Variants in TMX1 observed in about 807,000 individuals in gnomAD.
TMX1 encodes the protein thioredoxin related transmembrane protein 1, also known as thioredoxin-related transmembrane protein 1.
TMX1 carries 25 observed loss-of-function variants against 36.6 expected under a neutral mutation model. That is an observed-to-expected ratio of 0.68 (90% confidence interval 0.50 to 0.95). The LOEUF (loss-of-function observed/expected upper bound fraction) is 0.95, where lower values mean the gene tolerates loss of function less well. Ranked by LOEUF, TMX1 falls within the 40% of genes least tolerant of loss-of-function variation. The pLI, the probability that TMX1 is intolerant of heterozygous loss-of-function variation, is 0.00. For synonymous variants in TMX1, 133 were observed against 118.0 expected (o/e 1.13, Z -0.82); for missense variants, 347 against 339.6 (o/e 1.02, Z -0.17).
At position 51,255,510 on chromosome 14, in the gene TMX1, G is replaced by A. The variant is rs1173478377; in HGVS notation, c.*991G>A. On this transcript the variant is annotated 3_prime_UTR_variant, in exon 8 of 8. Coordinates refer to ENST00000457354, the MANE Select transcript of TMX1 (RefSeq NM_030755.5). The stretch of plus-strand genomic sequence containing the variant: ...TCAAAGAAGCTTAATATAAAAGTTT[G>A]CATTCTACTCAGGAAAAAGCATCTT... 2.0e-5 allele frequency: 3 copies of A among 151,138 alleles called. No homozygotes were observed. The highest frequency in any genetic ancestry group is 3.9e-4 in the East Asian group (2 of 5,164). 9.4% of individuals were successfully genotyped at this position (151,138 alleles called of 1,614,324 possible).
intron 7 of TMX1, among the ~76,000 whole-genome samples, chr14:51,251,148 T>C (rs1262658861): frequency 6.6e-6 from 1 of 152,250 alleles, no homozygotes. Context: ...TAAAAGTAGC[T>C]ATACCGATGG....
chr14:51,246,108 CT>C (rs1339618531), intron 3 of TMX1, among the ~76,000 whole-genome samples: 1 of 152,030 alleles, frequency 6.6e-6, no homozygotes, highest in African/African-American at 2.4e-5. Flanking sequence ...AAATTCACCC[CT>C]ACTCCCTTTA....
intron 2 of TMX1, 112 bp from the exon 3 acceptor site, chr14:51,245,201 G>A: frequency 1.6e-6 from 2 of 1,248,410 alleles, no homozygotes; most frequent in Non-Finnish European, 2.3e-6. Flanking sequence ...TCAACTATTA[G>A]GTATAATTTC....
rs761440121 is a variant in TMX1 at position 51,254,321 on chromosome 14, T to A, written c.665-20T>A. On this transcript the variant is annotated intron_variant, in intron 7 of 7. Coordinates refer to ENST00000457354, the MANE Select transcript of TMX1 (RefSeq NM_030755.5). ...ATCTAATACATCAACAAAAATACATTTTTGGTCTTTGTCTTTAAGAAAAAT... is the reference window on the plus strand; with the variant it reads ...ATCTAATACATCAACAAAAATACATATTTGGTCTTTGTCTTTAAGAAAAAT... The A allele has an allele frequency of 6.4e-7, 1 of 1,572,518 alleles. No individual in the cohort carries two copies. The highest frequency in any genetic ancestry group is 2.0e-5 in the Admixed American group (1 of 48,910).
In TMX1 at chr14:51,249,313, CTT is replaced by C. The variant is rs757936787; in HGVS notation, c.444-10_444-9del. 15 of 1,595,446 alleles carry C rather than the reference CTT, an allele frequency of 9.4e-6. No homozygotes were observed. The highest frequency in any genetic ancestry group is 8.1e-5 in the African/African-American group (6 of 73,742). ...ATGTTACTCAGTTTTTTAATCATCT[CTT>C]TTATTTTTAGGATGAGTAGTATGTC... On this transcript the variant is annotated splice_polypyrimidine_tract_variant and intron_variant, in intron 4 of 7. Coordinates refer to ENST00000457354, the MANE Select transcript of TMX1 (RefSeq NM_030755.5).
Position 51,240,387 on chromosome 14 carries a change from G to T in TMX1, c.95G>T (p.Arg32Leu), listed in dbSNP as rs770752398. The change falls in exon 1 of 8, where the codon CGC becomes CTC. Residue 32 changes from arginine to leucine, a missense_variant. Arg to Leu is a moderately radical substitution (Grantham distance 102, BLOSUM62 -2). Coordinates refer to ENST00000457354, the MANE Select transcript of TMX1 (RefSeq NM_030755.5). The stretch of plus-strand genomic sequence containing the variant: ...ACGCACGGGCGGCGGAGCAACGTTC[G>T]CGTCATCACGGACGAGAACTGGAGA... The part of the protein sequence containing the change: ...PWTHGRRSNV[R>L]VITDENWREL... The T allele has an allele frequency of 8.7e-6, 14 of 1,614,050 alleles. No homozygotes were observed. The Admixed American group carries it at 1.2e-4, about 13-fold the overall frequency.
rs1172953681 is a variant in TMX1, at chr14:51,243,967, G to A, written c.264G>A (p.Gln88=). Residue 88 remains glutamine (Q), a synonymous_variant, in exon 2 of 8, where the codon CAG becomes CAA. Coordinates refer to ENST00000457354, the MANE Select transcript of TMX1 (RefSeq NM_030755.5). ...VNIAKVDVTE[Q]PGLSGRFIIT... ...TTGCGAAAGTAGATGTCACAGAGCA[G>A]CCAGGTACTGTAAGTCTTTGGTTAG... is the stretch of plus-strand genomic sequence containing the variant. The A allele has an allele frequency of 1.2e-6, 2 of 1,601,360 alleles. No individual in the cohort carries two copies.
chr14:51,245,017 C>G (rs1164860105), intron 2 of TMX1, among the ~76,000 whole-genome samples: 3 of 152,050 alleles, frequency 2.0e-5, no homozygotes, highest in Non-Finnish European at 4.4e-5. Context: ...ACAAGGTGCT[C>G]TTATTACTAG....
At chr14:51,242,579 G>A (rs112486497) in intron 1 of TMX1, among the ~76,000 whole-genome samples, 2 of 152,150 alleles carry the variant, frequency 1.3e-5, no homozygotes, top group African/African-American at 4.8e-5. Context: ...GAAAGCAACT[G>A]ACAGCCTGGG....
At chr14:51,240,529 C>G in intron 1 of TMX1, 85 bp downstream of exon 1, 1 of 1,505,860 alleles carries the variant, frequency 6.6e-7, no homozygotes, top group Non-Finnish European at 8.9e-7. Context: ...TCGCAGGCTC[C>G]CCAGGACTGC....
At chr14:51,240,897 G>T (rs1214988481) in intron 1 of TMX1, among the ~76,000 whole-genome samples, 1 of 152,030 alleles carries the variant, frequency 6.6e-6, no homozygotes, top group Non-Finnish European at 1.5e-5. Flanking sequence ...TTAAAAGATA[G>T]TCTCTTTATG....
chr14:51,244,986 A>G (rs888908215), intron 2 of TMX1, among the ~76,000 whole-genome samples: 3 of 152,082 alleles, frequency 2.0e-5, no homozygotes, highest in African/African-American at 4.8e-5. Context: ...AGACCCTATT[A>G]CCTTGTGCTC....
rs148416147 is a variant in TMX1 at position 51,252,586 on chromosome 14, T to C, written c.665-1755T>C. Among the ~76,000 whole-genome samples the C allele has an allele frequency of 2.7e-3, 413 of 152,312 alleles. 1 individual carries two copies. The highest frequency in any genetic ancestry group is 0.013 in the South Asian group (64 of 4,822). On this transcript the variant is annotated intron_variant, in intron 7 of 7. Transcript: ENST00000457354. ...TAACATATAAGCAGTAAGCACTATGTATATGATTGTGTAATTTATTTTTCT... is the reference window on the plus strand; with the variant it reads ...TAACATATAAGCAGTAAGCACTATGCATATGATTGTGTAATTTATTTTTCT...
chr14:51,248,470 T>C (rs1322248202), intron 4 of TMX1, among the ~76,000 whole-genome samples: 1 of 152,242 alleles, frequency 6.6e-6, no homozygotes, highest in Non-Finnish European at 1.5e-5. Context: ...CTGAAATAAA[T>C]TACTGCAGAC....
At chr14:51,253,320 A>G (rs12589840) in intron 7 of TMX1, among the ~76,000 whole-genome samples, 114,067 of 152,192 alleles carry the variant, frequency 0.75, 42,874 homozygotes, top group Non-Finnish European at 0.77. Context: ...GCGAGAACTT[A>G]CCCTTGGTAG....
In TMX1 at chr14:51,243,935, G is replaced by T. The variant is rs761444153; in HGVS notation, c.232G>T (p.Val78Phe). 6.2e-7 allele frequency: 1 copy of T among 1,612,028 alleles called. No individual in the cohort carries two copies. Among genetic ancestry groups the T allele is most frequent in the African/African-American group, 1.3e-5 (1 of 74,882 alleles). ...TGCTGAATGGGGAGAAGATCTTGAG[G>T]TTAATATTGCGAAAGTAGATGTCAC... ...SFAEWGEDLE[V>F]NIAKVDVTEQ... The change falls in exon 2 of 8, where the codon GTT becomes TTT. Residue 78 changes from valine to phenylalanine, a missense_variant. Coordinates refer to ENST00000457354, the MANE Select transcript of TMX1 (RefSeq NM_030755.5).
chr14:51,242,248 AG>A (rs1169927870), intron 1 of TMX1, among the ~76,000 whole-genome samples: 1 of 152,194 alleles, frequency 6.6e-6, no homozygotes, highest in Non-Finnish European at 1.5e-5. Flanking sequence ...TTCAGGGGAG[AG>A]GAACTGTGAC....
chr14:51,247,246 C>G (rs1323175315), intron 4 of TMX1, 26 bp downstream of exon 4: 1 of 1,592,286 alleles, frequency 6.3e-7, no homozygotes. Flanking sequence ...TTTTCTCTTA[C>G]CCATTTCATA....
chr14:51,244,076 G>C, intron 2 of TMX1, 105 bp downstream of exon 2: 3 of 941,946 alleles, frequency 3.2e-6, no homozygotes, highest in South Asian at 2.5e-5. Flanking sequence ...TTTAGGTTTT[G>C]AAAACCTAAC....
Sources: gnomAD v4.1 joint callset for allele counts (sites outside exome capture counted in the v4.1 genomes callset) on GRCh38, gnomAD v4.1.1 for gene constraint, MANE v1.5 for transcripts, NCBI Gene and HGNC (gene_info 2026-07-23, HGNC 2026-07-21) for gene names.